PARN: variants seen among roughly 807,000 people sequenced by gnomAD.
PARN encodes poly(A)-specific ribonuclease.
Under a neutral mutation model 102.8 loss-of-function variants are expected in PARN, and 71 were observed. The ratio of observed to expected loss-of-function variants is 0.69; its 90% CI spans 0.57 to 0.84. The LOEUF is 0.84. Ranked by LOEUF, PARN falls within the 40% of genes least tolerant of loss-of-function variation. The pLI is 0.00. For missense variants in PARN, 782 were observed against 760.9 expected, an observed-to-expected ratio of 1.03 and a Z score of -0.33; for synonymous variants, 261 against 252.9, an observed-to-expected ratio of 1.03 and a Z score of -0.30.
In PARN at chr16:14,629,587, G is replaced by C. The variant is rs986311493; in HGVS notation, c.97+10C>G. 6.2e-7 allele frequency: 1 copy of C among 1,601,704 alleles called. No homozygotes were observed. Among genetic ancestry groups the C allele is most frequent in the Non-Finnish European group, 8.6e-7 (1 of 1,168,710 alleles). Reference sequence around the variant, plus strand: ...CAAAGTGCTAGCCTGAGCTTGCAAGGGAGGGATACCTGAAAACTCCCCATC... The same window carrying C: ...CAAAGTGCTAGCCTGAGCTTGCAAGCGAGGGATACCTGAAAACTCCCCATC... On this transcript the variant is annotated intron_variant, in intron 2 of 23. Transcript: ENST00000437198.
At chr16:14,489,083 C>T (rs754763685) in intron 21 of PARN, among the ~76,000 whole-genome samples, 5 of 152,092 alleles carry the variant, frequency 3.3e-5, no homozygotes, top group Non-Finnish European at 7.3e-5. Flanking sequence ...TCACGCCCCG[C>T]AACACACATA....
At chr16:14,485,462 A>G (rs146072138) in intron 21 of PARN, among the ~76,000 whole-genome samples, 1 of 152,192 alleles carries the variant, frequency 6.6e-6, no homozygotes, top group East Asian at 1.9e-4. Context: ...CCCTCTCTTA[A>G]AGGTCACCCT....
chr16:14,591,004 A>C (rs1453973390), intron 13 of PARN, among the ~76,000 whole-genome samples: 1 of 152,096 alleles, frequency 6.6e-6, no homozygotes, highest in African/African-American at 2.4e-5. Context: ...GGTTTTACCT[A>C]TTTGGGAGGC....
intron 22 of PARN, among the ~76,000 whole-genome samples, chr16:14,451,012 T>C (rs894493652): frequency 5.3e-5 from 8 of 152,208 alleles, no homozygotes; most frequent in Non-Finnish European, 1.0e-4. Flanking sequence ...TTTAAACTGC[T>C]TGGCACAGCA....
rs933002928 is a variant in PARN, at chr16:14,446,949, G to C, written c.1803C>G (p.Leu601=). The C allele has an allele frequency of 6.2e-7, 1 of 1,613,730 alleles. No individual in the cohort carries two copies. The highest frequency in any genetic ancestry group is 8.5e-7 in the Non-Finnish European group (1 of 1,179,766). ...LEQTDSCAEP[L]SEGRKKAKKL... is the part of the protein sequence containing the mutation. ...TCTTGGCCTTTTTCCTTCCCTCTGA[G>C]AGGGGCTCTGCACAGGAATCGGTCT... The change falls in exon 23 of 24, where the codon CTC becomes CTG. Residue 601 remains leucine, a synonymous_variant. Transcript: ENST00000437198.
At chr16:14,439,843 T>A (rs1378249808) in intron 23 of PARN, among the ~76,000 whole-genome samples, 5 of 151,966 alleles carry the variant, frequency 3.3e-5, no homozygotes, top group Non-Finnish European at 7.4e-5. Flanking sequence ...GTAAAACCCA[T>A]CTCTACTAAA....
In PARN at chr16:14,446,893, G is replaced by A. The variant is rs1411833150; in HGVS notation, c.1859C>T (p.Pro620Leu). 6.2e-7 allele frequency: 1 copy of A among 1,611,452 alleles called. No homozygotes were observed. Among genetic ancestry groups the A allele is most frequent in the Non-Finnish European group, 8.5e-7 (1 of 1,178,390 alleles). The change falls in exon 23 of 24, where the codon CCA becomes CTA. Residue 620 changes from proline to leucine, a missense_variant. Pro to Leu is a moderately conservative substitution (Grantham distance 98). Transcript: ENST00000437198. The stretch of plus-strand genomic sequence containing the variant: ...CGGCAAGATCCAATACAAACCTGCT[G>A]GAGAAAGCTCCTTCTTCATTCTTTT... ...KLKRMKKELS[P>L]AGSISKNSPA...
intron 22 of PARN, among the ~76,000 whole-genome samples, chr16:14,462,422 G>A (rs995389923): frequency 1.5e-4 from 23 of 151,796 alleles, no homozygotes; most frequent in Admixed American, 1.4e-3. Context: ...GTTCCAGAAA[G>A]AAAGAAGAGA....
intron 21 of PARN, among the ~76,000 whole-genome samples, chr16:14,486,255 TA>T (rs1377929456): frequency 1.3e-5 from 2 of 152,034 alleles, no homozygotes; most frequent in Non-Finnish European, 2.9e-5. Context: ...TAGTCTCAGT[TA>T]TTAGGGAGGC....
chr16:14,441,582 C>A (rs183758792), intron 23 of PARN, among the ~76,000 whole-genome samples: 1 of 152,336 alleles, frequency 6.6e-6, no homozygotes, highest in African/African-American at 2.4e-5. Flanking sequence ...GTTTCCCACA[C>A]TAAGAAGGTG....
intron 23 of PARN, among the ~76,000 whole-genome samples, chr16:14,439,978 G>A (rs1960876816): frequency 6.6e-6 from 1 of 152,164 alleles, no homozygotes. Flanking sequence ...TCGTGCCACT[G>A]CACTCCAGTC....
intron 21 of PARN, among the ~76,000 whole-genome samples, chr16:14,512,320 G>T (rs1042021225): frequency 5.3e-5 from 8 of 152,114 alleles, no homozygotes; most frequent in African/African-American, 1.9e-4. Context: ...TAGTGAACAT[G>T]CTGAAACCCT....
At chr16:14,453,429 C>T (rs1024791317) in intron 22 of PARN, among the ~76,000 whole-genome samples, 4 of 152,198 alleles carry the variant, frequency 2.6e-5, no homozygotes, top group Admixed American at 2.6e-4. Context: ...GCTACATGAA[C>T]ATATTCCCCA....
Position 14,584,799 on chromosome 16 carries a change from G to T in PARN, c.963-8C>A, listed in dbSNP as rs776032605. On this transcript the variant is annotated splice_region_variant and splice_polypyrimidine_tract_variant and intron_variant, in intron 14 of 23. Coordinates refer to ENST00000437198, the MANE Select transcript of PARN (RefSeq NM_002582.4). ...AATTTAGTATCCAAGAGTCTAAAAA[G>T]AATTTTTAACAAGGTAAACAAAATG... The T allele has an allele frequency of 1.3e-6, 2 of 1,520,184 alleles. No homozygotes were observed. Among genetic ancestry groups the T allele is most frequent in the Admixed American group, 2.4e-5 (1 of 42,310 alleles). 94.2% of individuals were successfully genotyped at this position (1,520,184 alleles called of 1,614,324 possible).
intron 18 of PARN, among the ~76,000 whole-genome samples, chr16:14,556,213 C>T (rs1438667460): frequency 6.6e-6 from 1 of 151,852 alleles, no homozygotes; most frequent in Non-Finnish European, 1.5e-5. Context: ...GGCTGGAGTG[C>T]AGCGGCACAA....
intron 6 of PARN, among the ~76,000 whole-genome samples, chr16:14,612,177 G>A (rs78113940): frequency 2.0e-5 from 3 of 152,244 alleles, no homozygotes; most frequent in African/African-American, 4.8e-5. Flanking sequence ...GGTGGCTCAC[G>A]CCTATAATCC....
chr16:14,506,534 T>C (rs1208646076), intron 21 of PARN, among the ~76,000 whole-genome samples: 1 of 152,252 alleles, frequency 6.6e-6, no homozygotes, highest in Non-Finnish European at 1.5e-5. Context: ...AACTGTTATG[T>C]CTCTGACTCT....
chr16:14,484,871 A>G lies in PARN; in HGVS notation c.1481-2044T>C, dbSNP rs892333996. Among the ~76,000 whole-genome samples the G allele has an allele frequency of 9.8e-5, 15 of 152,314 alleles. No individual in the cohort carries two copies. In the East Asian group the frequency reaches 2.9e-3, roughly 29 times the overall value. On this transcript the variant is annotated intron_variant, in intron 21 of 23. Coordinates refer to ENST00000437198, the MANE Select transcript of PARN (RefSeq NM_002582.4). The stretch of plus-strand genomic sequence containing the variant: ...CAAATTTTTACTAAGAAGTTTGTGT[A>G]CTTTTAAAATATTCACTCAAGAGTT...
intron 13 of PARN, among the ~76,000 whole-genome samples, chr16:14,589,580 A>G (rs1019593815): frequency 6.6e-6 from 1 of 151,866 alleles, no homozygotes; most frequent in African/African-American, 2.4e-5. Flanking sequence ...AGAAAAAAAA[A>G]AATGGCCGGG....
Sources: gnomAD v4.1 joint callset for allele counts (sites outside exome capture counted in the v4.1 genomes callset) on GRCh38, gnomAD v4.1.1 for gene constraint, MANE v1.5 for transcripts, NCBI Gene and HGNC (gene_info 2026-07-23, HGNC 2026-07-21) for gene names.